The following DZIP3 variants were observed in gnomAD, a reference collection of about 807,000 sequenced individuals.
DZIP3 encodes the protein E3 ubiquitin-protein ligase DZIP3.
In DZIP3, 118 loss-of-function variants were observed where a neutral mutation model predicts 162.0. The observed-to-expected ratio is 0.73, with a 90% CI of 0.63 to 0.85. DZIP3 has a LOEUF of 0.85. Among genes scored for constraint, DZIP3 ranks in the 40% least tolerant of loss-of-function variants. The probability of loss-of-function intolerance (pLI) is 0.00; values close to 1 mark genes in which losing one functional copy is unlikely to be tolerated. For missense variants in DZIP3, 1,331 were observed against 1,407.0 expected (o/e 0.95, Z 0.86); for synonymous variants, 438 against 458.6 (o/e 0.96, Z 0.57).
At position 108,629,106 on chromosome 3, in the gene DZIP3, T is replaced by G. The variant is rs756961133; in HGVS notation, c.626T>G (p.Ile209Ser). 6.2e-7 allele frequency: 1 copy of G among 1,603,830 alleles called. No individual in the cohort carries two copies. The highest frequency in any genetic ancestry group is 1.1e-5 in the South Asian group (1 of 88,332). The change falls in exon 8 of 33, where the codon ATT becomes AGT. Residue 209 changes from isoleucine to serine, a missense_variant. This residue lies in a region of DZIP3 where 1,278 missense variants were observed against 1,317.1 expected (regional missense o/e 0.97). Coordinates refer to ENST00000361582, the MANE Select transcript of DZIP3 (RefSeq NM_014648.4). ...GAATTTCATAAAAGCTTACAAGAAA[T>G]TGGAGACAAAAATGACCATTGGTTT... Reference protein sequence around the residue: ...LLEFHKSLQEIGDKNDHWFDI... With the variant: ...LLEFHKSLQESGDKNDHWFDI...
intron 5 of DZIP3, 76 bp from the exon 6 acceptor site, chr3:108,624,368 G>T: frequency 1.3e-6 from 1 of 762,898 alleles, no homozygotes. Flanking sequence ...ATTAAGCTTA[G>T]GATATTTAAT....
intron 8 of DZIP3, among the ~76,000 whole-genome samples, chr3:108,631,055 A>ACATACACACTCTCTCTCTCT: frequency 3.3e-4 from 6 of 18,006 alleles, no homozygotes; most frequent in African/African-American, 1.4e-3. Flanking sequence ...ACACACACAC[A>ACATACACACTCTCTCTCTCT]CTCTCTCTCT....
chr3:108,666,988 G>A lies in DZIP3; in HGVS notation c.2424-2693G>A, dbSNP rs528619164. Among the ~76,000 whole-genome samples the A allele has an allele frequency of 2.0e-5, 3 of 152,038 alleles. No individual in the cohort carries two copies. The South Asian group carries it at 6.2e-4, about 32-fold the overall frequency. On this transcript the variant is annotated intron_variant, in intron 21 of 32. Coordinates refer to ENST00000361582, the MANE Select transcript of DZIP3 (RefSeq NM_014648.4). ...ATCCCAGAAAAAGAAAATCAAAATAGACTCAAAGCAAGCAGGAGGAAATAA... is the reference window on the plus strand; with the variant it reads ...ATCCCAGAAAAAGAAAATCAAAATAAACTCAAAGCAAGCAGGAGGAAATAA...
chr3:108,649,504 G>C (rs1323619353), intron 17 of DZIP3, among the ~76,000 whole-genome samples: 3 of 151,720 alleles, frequency 2.0e-5, no homozygotes, highest in African/African-American at 7.3e-5. Context: ...TCTCTTAATT[G>C]CTAGGAAAAC....
At chr3:108,616,298 AAAT>A (rs1418370199) in intron 4 of DZIP3, among the ~76,000 whole-genome samples, 11 of 151,206 alleles carry the variant, frequency 7.3e-5, no homozygotes, top group Non-Finnish European at 1.3e-4. Context: ...ATAAATAAAT[AAAT>A]AAATAAAATA....
chr3:108,621,812 T>G (rs1049538705), intron 5 of DZIP3, among the ~76,000 whole-genome samples: 6 of 152,162 alleles, frequency 3.9e-5, no homozygotes, highest in African/African-American at 1.4e-4. Context: ...CATTCTCATG[T>G]TTATTGCAGC....
chr3:108,629,325 T>C, intron 8 of DZIP3, 149 bp downstream of exon 8: 1 of 529,990 alleles, frequency 1.9e-6, no homozygotes, highest in Non-Finnish European at 3.3e-6. Context: ...GCAGAACGTA[T>C]GATTCAACAA....
chr3:108,621,436 C>T (rs1941336460), intron 5 of DZIP3, among the ~76,000 whole-genome samples: 1 of 152,128 alleles, frequency 6.6e-6, no homozygotes, highest in South Asian at 2.1e-4. Context: ...CTTTGTATTA[C>T]AACAATCCAT....
intron 17 of DZIP3, 53 bp downstream of exon 17, chr3:108,649,015 A>T: frequency 1.0e-6 from 1 of 1,003,312 alleles, no homozygotes; most frequent in Non-Finnish European, 1.3e-6. Context: ...TGAGTTAAAT[A>T]CATGAATTCA....
Position 108,680,926 on chromosome 3 carries a change from T to C in DZIP3, c.2884-3290T>C, listed in dbSNP as rs1576465539. Among the ~76,000 whole-genome samples the C allele has an allele frequency of 2.0e-5, 3 of 152,276 alleles. No individual in the cohort carries two copies. The Middle Eastern group carries it at 0.01, about 518-fold the overall frequency. ...TTGCAGCAAAAACTGGAACCCTTCC[T>C]TACACCTTATACAAAAATCAACTCA... On this transcript the variant is annotated intron_variant, in intron 26 of 32. Transcript: ENST00000361582.
chr3:108,636,738 T>C (rs1488377701), intron 11 of DZIP3, 30 bp downstream of exon 11: 4 of 1,457,036 alleles, frequency 2.7e-6, no homozygotes, highest in African/African-American at 1.4e-5. Flanking sequence ...CTTTTTTTTT[T>C]TTCTTGCTTT....
At chr3:108,590,980 CAATA>C (rs1238037664) in intron 1 of DZIP3, among the ~76,000 whole-genome samples, 7 of 151,980 alleles carry the variant, frequency 4.6e-5, no homozygotes, top group Admixed American at 2.6e-4. Context: ...ATAATAAACA[CAATA>C]AATAAGTAAG....
intron 4 of DZIP3, among the ~76,000 whole-genome samples, chr3:108,612,255 A>G (rs1218653090): frequency 1.3e-5 from 2 of 152,190 alleles, no homozygotes; most frequent in African/African-American, 2.4e-5. Flanking sequence ...TTGTCTTTCT[A>G]TGAAAGAATA....
intron 15 of DZIP3, among the ~76,000 whole-genome samples, chr3:108,647,168 G>A (rs1576411989): frequency 1.3e-5 from 2 of 152,132 alleles, no homozygotes; most frequent in African/African-American, 2.4e-5. Flanking sequence ...ATGTTCTAAC[G>A]TTTTACTCAC....
chr3:108,660,742 GA>G (rs1488019243), intron 19 of DZIP3, among the ~76,000 whole-genome samples: 1 of 152,052 alleles, frequency 6.6e-6, no homozygotes, highest in African/African-American at 2.4e-5. Context: ...CTACTCATCT[GA>G]CAAAGGGCTA....
intron 1 of DZIP3, chr3:108,590,169 C>T (rs972629602): frequency 3.3e-5 from 5 of 152,108 alleles, no homozygotes; most frequent in African/African-American, 1.2e-4. Context: ...GAAAATGGCA[C>T]TATTATTTGC....
chr3:108,602,160 A>G (rs1940056653), intron 1 of DZIP3, among the ~76,000 whole-genome samples: 1 of 152,170 alleles, frequency 6.6e-6, no homozygotes. Flanking sequence ...TAGGAAGGTG[A>G]TAGTAACACA....
At chr3:108,612,301 T>C (rs990610424) in intron 4 of DZIP3, among the ~76,000 whole-genome samples, 4 of 152,178 alleles carry the variant, frequency 2.6e-5, no homozygotes, top group African/African-American at 9.7e-5. Context: ...AATACTATTA[T>C]GATTAAAAAT....
chr3:108,635,719 AGAGTT>A (rs1298757558), intron 10 of DZIP3, among the ~76,000 whole-genome samples: 1 of 149,560 alleles, frequency 6.7e-6, no homozygotes, highest in Non-Finnish European at 1.5e-5. Context: ...AACATATAAT[AGAGTT>A]GTTTGCCACT....
Sources: allele counts gnomAD v4.1 joint callset (sites outside exome capture counted in the v4.1 genomes callset), GRCh38; gene constraint gnomAD v4.1.1; regional missense constraint gnomAD v4.1.1; transcripts MANE v1.5; gene names NCBI Gene and HGNC (gene_info 2026-07-23, HGNC 2026-07-21).